KMT2B: variants seen among roughly 807,000 people sequenced by gnomAD.
KMT2B encodes the protein lysine methyltransferase 2B, also known as histone-lysine N-methyltransferase 2B.
KMT2B carries 22 observed loss-of-function variants against 255.3 expected under a neutral mutation model. The ratio of observed to expected loss-of-function variants is 0.09; its 90% CI spans 0.06 to 0.12. The LOEUF (loss-of-function observed/expected upper bound fraction) is 0.12, where lower values mean the gene tolerates loss of function less well. Ranked by LOEUF, KMT2B falls within the 10% of genes least tolerant of loss-of-function variation. The probability of loss-of-function intolerance (pLI) is 1.00; values close to 1 mark genes in which losing one functional copy is unlikely to be tolerated. For synonymous variants in KMT2B, 1,730 were observed against 1,498.1 expected (o/e 1.15, Z -3.57); for missense variants, 3,149 against 3,737.0 (o/e 0.84, Z 4.10).
chr19:35,733,632 G>T lies in KMT2B; in HGVS notation c.6995G>T (p.Arg2332Leu). The change falls in exon 29 of 37, where the codon CGT becomes CTT. Residue 2332 changes from arginine (R) to leucine (L), a missense_variant. Arg to Leu is a moderately radical substitution (Grantham distance 102). Coordinates refer to ENST00000420124, the MANE Select transcript of KMT2B (RefSeq NM_014727.3). The surrounding 1 kb of genome is among the most constrained non-coding windows in gnomAD (Gnocchi z 4.3). Reference protein sequence around the residue: ...SRVRMKTPTVRGVLDLDRPGE... With the variant: ...SRVRMKTPTVLGVLDLDRPGE... ...GTGAGGATGAAAACCCCCACAGTGC[G>T]TGGGGTCCTTGACCTGGATCGGCCT... The T allele has an allele frequency of 6.3e-7, 1 of 1,595,246 alleles. No individual in the cohort carries two copies. Among genetic ancestry groups the T allele is most frequent in the Non-Finnish European group, 8.5e-7 (1 of 1,171,252 alleles).
In KMT2B at chr19:35,720,606, C is replaced by T; in HGVS notation, c.1259C>T (p.Pro420Leu). 2 of 1,492,752 alleles carry T rather than the reference C, an allele frequency of 1.3e-6. No individual in the cohort carries two copies. Among genetic ancestry groups the T allele is most frequent in the Admixed American group, 2.2e-5 (1 of 44,898 alleles). 92.5% of individuals were successfully genotyped at this position (1,492,752 alleles called of 1,614,324 possible). A position where few individuals can be genotyped will look rare whatever the true frequency, so the allele number is the denominator to read the frequency against. The part of the protein sequence containing the change: ...APSPPPPLPP[P>L]STSPPPPLCP... Reference sequence around the variant, plus strand: ...TCACCTCCTCCACCCCTCCCACCCCCTTCGACATCTCCTCCACCCCCACTC... The same window carrying T: ...TCACCTCCTCCACCCCTCCCACCCCTTTCGACATCTCCTCCACCCCCACTC... The change falls in exon 3 of 37, where the codon CCT becomes CTT. Residue 420 changes from proline (P) to leucine (L), a missense_variant. Transcript: ENST00000420124.
In KMT2B at chr19:35,719,945, G is replaced by A. The variant is rs201941055; in HGVS notation, c.598G>A (p.Ala200Thr). The change falls in exon 3 of 37, where the codon GCC becomes ACC. Residue 200 changes from alanine (A) to threonine (T), a missense_variant. Coordinates refer to ENST00000420124, the MANE Select transcript of KMT2B (RefSeq NM_014727.3). ...VQALTELLRRAQAPQAPRSRA... is the reference protein window; with the variant it reads ...VQALTELLRRTQAPQAPRSRA... ...GGCACTGACTGAACTTCTCCGGCGG[G>A]CCCAGGCACCCCAAGCACCCCGGAG... 1.6e-4 allele frequency: 256 copies of A among 1,613,400 alleles called. 1 individual carries two copies. Among genetic ancestry groups the A allele is most frequent in the Non-Finnish European group, 2.1e-5 (25 of 1,179,858 alleles).
intron 8 of KMT2B, among the ~76,000 whole-genome samples, 154 bp downstream of exon 8, chr19:35,724,161 G>A (rs1194005383): frequency 6.6e-6 from 1 of 152,186 alleles, no homozygotes; most frequent in East Asian, 1.9e-4. Context: ...TGGATGTACA[G>A]AACTGGCCTA....
intron 23 of KMT2B, 66 bp downstream of exon 23, chr19:35,730,191 C>T (rs1390381310): frequency 2.4e-5 from 39 of 1,606,142 alleles, no homozygotes; most frequent in Non-Finnish European, 2.8e-5. Context: ...TAGGGACCCC[C>T]GTGGCCCCCA....
Position 35,733,557 on chromosome 19 carries a change from C to T in KMT2B, c.6960-40C>T, listed in dbSNP as rs763864327. ...CAGAGCAGGCAAGGGGGCAGATGGG[C>T]GGGAGATGCGGCTCATCCTTCTCGG... On this transcript the variant is annotated intron_variant, in intron 28 of 36. Coordinates refer to ENST00000420124, the MANE Select transcript of KMT2B (RefSeq NM_014727.3). The surrounding 1 kb of genome is among the most constrained non-coding windows in gnomAD (Gnocchi z 4.3). 3.2e-5 allele frequency: 50 copies of T among 1,555,498 alleles called. 1 individual carries two copies. The highest frequency in any genetic ancestry group is 3.4e-4 in the Middle Eastern group (2 of 5,954).
rs1228449559 is a variant in KMT2B at position 35,729,059 on chromosome 19, G to A, written c.4762G>A (p.Gly1588Arg). ...TCAGTGTGCACTCTGCCTCAAATAC[G>A]GGGATGCAGACTCCAAGGTGAGGGC... Reference protein sequence around the residue: ...PRQCALCLKYGDADSKEAGRL... With the variant: ...PRQCALCLKYRDADSKEAGRL... The change falls in exon 21 of 37, where the codon GGG becomes AGG. Residue 1588 changes from glycine (G) to arginine (R), a missense_variant. This residue lies in a region of KMT2B where 377 missense variants were observed against 471.0 expected (regional missense o/e 0.80). Transcript: ENST00000420124. 3.1e-6 allele frequency: 5 copies of A among 1,613,944 alleles called. No homozygotes were observed. Among genetic ancestry groups the A allele is most frequent in the Admixed American group, 1.7e-5 (1 of 60,026 alleles).
Position 35,733,301 on chromosome 19 carries a change from C to CAG in KMT2B, c.6752_6753insAG (p.Ala2252ValfsTer10). 8.9e-6 allele frequency: 13 copies of CAG among 1,453,790 alleles called. No individual in the cohort carries two copies. The highest frequency in any genetic ancestry group is 1.1e-5 in the Non-Finnish European group (12 of 1,062,336). The allele number at this position is 1,453,790 out of a possible 1,614,324, so 90.1% of individuals were successfully genotyped here. ...CTGCCCGTGGTCGGAGTGGTCCGCC[C>CAG]TGCCCCGCCCCCGCCACCCCCTCCC... On this transcript the variant is annotated frameshift_variant, in exon 28 of 37. Coordinates refer to ENST00000420124, the MANE Select transcript of KMT2B (RefSeq NM_014727.3). LOFTEE classifies it high-confidence loss of function. This position sits in a 1 kb window ranked among gnomAD's most constrained non-coding sequence, Gnocchi z 4.3.
Position 35,732,456 on chromosome 19 carries a change from C to G in KMT2B, c.5907C>G (p.Pro1969=). 1 of 1,613,896 alleles carries G rather than the reference C, an allele frequency of 6.2e-7. No individual in the cohort carries two copies. Among genetic ancestry groups the G allele is most frequent in the Non-Finnish European group, 8.5e-7 (1 of 1,179,826 alleles). The change falls in exon 28 of 37, where the codon CCC becomes CCG. Residue 1969 remains proline, a synonymous_variant. Coordinates refer to ENST00000420124, the MANE Select transcript of KMT2B (RefSeq NM_014727.3). The stretch of plus-strand genomic sequence containing the variant: ...CTGGCCCGGCCCCATCTCCACCACC[C>G]CCTGAAGACCTGGGCCCAGACTTCG... ...APPGPAPSPP[P]PEDLGPDFED... is the part of the protein sequence containing the mutation.
Position 35,718,301 on chromosome 19 carries a change from C to T in KMT2B, c.283C>T (p.Arg95Trp). Reference sequence around the variant, plus strand: ...CCCGCGGGTCCAGCGGGGCCGGGGACGGGGTCGGGGCCGGGGCTGGGGCCC... The same window carrying T: ...CCCGCGGGTCCAGCGGGGCCGGGGATGGGGTCGGGGCCGGGGCTGGGGCCC... ...AGPRVQRGRG[R>W]GRGRGWGPSR... The change falls in exon 1 of 37, where the codon CGG becomes TGG. Residue 95 changes from arginine (R) to tryptophan (W), a missense_variant. Arg to Trp is a moderately radical substitution (Grantham distance 101). Transcript: ENST00000420124. The surrounding 1 kb of genome is among the most constrained non-coding windows in gnomAD (Gnocchi z 5.0). The T allele has an allele frequency of 1.1e-5, 13 of 1,232,258 alleles. No homozygotes were observed. Among genetic ancestry groups the T allele is most frequent in the Non-Finnish European group, 1.2e-5 (12 of 979,336 alleles). The allele number at this position is 1,232,258 out of a possible 1,614,324, so 76.3% of individuals were successfully genotyped here.
chr19:35,737,050 C>T lies in KMT2B; in HGVS notation c.7373-36C>T. On this transcript the variant is annotated intron_variant, in intron 32 of 36. Coordinates refer to ENST00000420124, the MANE Select transcript of KMT2B (RefSeq NM_014727.3). This position sits in a 1 kb window ranked among gnomAD's most constrained non-coding sequence, Gnocchi z 5.3. ...TCTCCCCGAGGGCACCATGGGCCCTCCACATGACAGGTGTGTCCTCAACAT... is the reference window on the plus strand; with the variant it reads ...TCTCCCCGAGGGCACCATGGGCCCTTCACATGACAGGTGTGTCCTCAACAT... 1.2e-6 allele frequency: 2 copies of T among 1,610,208 alleles called. No homozygotes were observed. Among genetic ancestry groups the T allele is most frequent in the Non-Finnish European group, 1.7e-6 (2 of 1,178,044 alleles).
intron 22 of KMT2B, 87 bp downstream of exon 22, chr19:35,729,383 C>T (rs1382339368): frequency 2.0e-6 from 3 of 1,487,698 alleles, no homozygotes; most frequent in African/African-American, 1.4e-5. Flanking sequence ...TTCACATTCC[C>T]TACCTGGCAT....
Position 35,722,833 on chromosome 19 carries a change from G to A in KMT2B, c.2722+115G>A, listed in dbSNP as rs1969275823. 2.1e-6 allele frequency: 3 copies of A among 1,445,032 alleles called. No individual in the cohort carries two copies. The South Asian group carries it at 4.3e-5, about 21-fold the overall frequency. 89.5% of individuals were successfully genotyped at this position (1,445,032 alleles called of 1,614,324 possible). Reference sequence around the variant, plus strand: ...AAGTCAGGTGCTCAGGGGTTAGGTGGCAAGTGGGCTGGAGTGCTAGGTCCT... The same window carrying A: ...AAGTCAGGTGCTCAGGGGTTAGGTGACAAGTGGGCTGGAGTGCTAGGTCCT... On this transcript the variant is annotated intron_variant, in intron 5 of 36. Coordinates refer to ENST00000420124, the MANE Select transcript of KMT2B (RefSeq NM_014727.3).
rs376466565 is a variant in KMT2B at position 35,721,580 on chromosome 19, C to G, written c.2233C>G (p.Gln745Glu). 19 of 1,612,030 alleles carry G rather than the reference C, an allele frequency of 1.2e-5. No homozygotes were observed. In the African/African-American group the frequency reaches 2.0e-4, roughly 17 times the overall value. ...AQLLQPLQAL[Q>E]TQLLPQALPP... ...GCTACTGCAGCCCCTGCAGGCCTTG[C>G]AAACCCAGCTCCTGCCCCAGGCACT... is the stretch of plus-strand genomic sequence containing the variant. The change falls in exon 3 of 37, where the codon CAA becomes GAA. Residue 745 changes from glutamine (Q) to glutamate (E), a missense_variant. By Grantham distance (29) the Gln-to-Glu change is conservative. Coordinates refer to ENST00000420124, the MANE Select transcript of KMT2B (RefSeq NM_014727.3).
Position 35,728,864 on chromosome 19 carries a change from G to T in KMT2B, c.4662G>T (p.Gly1554=). 1 of 1,613,942 alleles carries T rather than the reference G, an allele frequency of 6.2e-7. No homozygotes were observed. ...AGGAACCAGAGACCCCAGAATCAGG[G>T]CAGCCTCCAGGGGATCCCTCAGCAG... ...RQQEPETPES[G]QPPGDPSAAF... The change falls in exon 20 of 37, where the codon GGG becomes GGT. Residue 1554 remains glycine, a synonymous_variant. Coordinates refer to ENST00000420124, the MANE Select transcript of KMT2B (RefSeq NM_014727.3).
rs1969255431 is a variant in KMT2B, at chr19:35,722,412, C to T, written c.2511C>T (p.Ser837=). 5.0e-6 allele frequency: 8 copies of T among 1,610,936 alleles called. No individual in the cohort carries two copies. Among genetic ancestry groups the T allele is most frequent in the Middle Eastern group, 3.3e-4 (2 of 6,062 alleles). ...EEVAGAVKQI[S]DRGPVRSEDE... The stretch of plus-strand genomic sequence containing the variant: ...TGGCCGGGGCTGTCAAGCAGATCTC[C>T]GACAGAGGCCCTGTCCGGTCTGAAG... The change falls in exon 4 of 37, where the codon TCC becomes TCT. Residue 837 remains serine (S), a synonymous_variant. Coordinates refer to ENST00000420124, the MANE Select transcript of KMT2B (RefSeq NM_014727.3).
rs772147485 is a variant in KMT2B at position 35,733,834 on chromosome 19, C to T, written c.7121C>T (p.Pro2374Leu). The change falls in exon 30 of 37, where the codon CCA (proline) becomes CTA (leucine). Residue 2374 changes from proline to leucine, a missense_variant. By Grantham distance (98) the Pro-to-Leu change is moderately conservative. Transcript: ENST00000420124. The surrounding 1 kb of genome is among the most constrained non-coding windows in gnomAD (Gnocchi z 4.3). ...CCTCCCCAGGTCCCCGATGGTCCCC[C>T]AGACCTGCTGCTTGAGTCCCAGTGG... ...DGPPQVPDGP[P>L]DLLLESQWHH... 3.1e-6 allele frequency: 5 copies of T among 1,613,640 alleles called. No individual in the cohort carries two copies. The Admixed American group carries it at 6.7e-5, about 22-fold the overall frequency.
intron 23 of KMT2B, 98 bp downstream of exon 23, chr19:35,730,223 A>G (rs1254355550): frequency 1.3e-6 from 2 of 1,597,000 alleles, no homozygotes; most frequent in African/African-American, 2.7e-5. Context: ...ACTGCCTCTC[A>G]GTGTCTCCTC....
chr19:35,732,885 A>T lies in KMT2B; in HGVS notation c.6336A>T (p.Glu2112Asp). The T allele has an allele frequency of 6.2e-7, 1 of 1,610,366 alleles. No individual in the cohort carries two copies. Among genetic ancestry groups the T allele is most frequent in the Non-Finnish European group, 8.5e-7 (1 of 1,178,882 alleles). Reference sequence around the variant, plus strand: ...GGCCTCCTGAGGACCTGCCATCGGAAATTGTGGATTTTGTGTTGAAGAACC... The same window carrying T: ...GGCCTCCTGAGGACCTGCCATCGGATATTGTGGATTTTGTGTTGAAGAACC... Reference protein sequence around the residue: ...RARPPEDLPSEIVDFVLKNLG... With the variant: ...RARPPEDLPSDIVDFVLKNLG... The change falls in exon 28 of 37, where the codon GAA becomes GAT. Residue 2112 changes from glutamate to aspartate, a missense_variant. Glu to Asp is a conservative substitution (Grantham distance 45). Around this residue, in one of 18 missense-constraint regions of KMT2B, gnomAD observed 897 missense variants for 825.3 expected, o/e 1.09. Transcript: ENST00000420124.
At position 35,730,273 on chromosome 19, in the gene KMT2B, G is replaced by A. The variant is rs1027357396; in HGVS notation, c.5077-69G>A. On this transcript the variant is annotated intron_variant, in intron 23 of 36. Coordinates refer to ENST00000420124, the MANE Select transcript of KMT2B (RefSeq NM_014727.3). ...AGGCCTTTAGGCCAAGCCCCTGACT[G>A]TTCAGACTTCCCTGGCATCCACCTC... The A allele has an allele frequency of 3.1e-6, 5 of 1,603,344 alleles. No homozygotes were observed. The African/African-American group carries it at 6.7e-5, about 21-fold the overall frequency.
Sources: gnomAD v4.1 joint callset for allele counts (sites outside exome capture counted in the v4.1 genomes callset) on GRCh38, gnomAD v4.1.1 for gene constraint, gnomAD v4.1.1 regional missense constraint, Gnocchi (gnomAD v3.1) non-coding constraint, MANE v1.5 for transcripts, NCBI Gene and HGNC (gene_info 2026-07-23, HGNC 2026-07-21) for gene names.